The following SIL1 variants were observed in gnomAD, a reference collection of about 807,000 sequenced individuals.
SIL1 encodes nucleotide exchange factor SIL1.
A neutral mutation model predicts 49.1 loss-of-function variants in SIL1; 40 were observed. That is an observed-to-expected ratio of 0.81 (90% CI 0.63 to 1.06). The LOEUF is 1.06. SIL1 is among the 50% of genes least tolerant of loss of function. SIL1 has a pLI of 0.00. For synonymous variants in SIL1, 253 were observed against 250.8 expected, an observed-to-expected ratio of 1.01 and a Z score of -0.08; for missense variants, 500 against 572.6, an observed-to-expected ratio of 0.87 and a Z score of 1.29.
chr5:139,136,617 T>C (rs562023424), intron 1 of SIL1, among the ~76,000 whole-genome samples: 2 of 152,216 alleles, frequency 1.3e-5, no homozygotes, highest in East Asian at 3.9e-4. Context: ...GGCAACAATG[T>C]CAGGAGATCA....
chr5:139,084,215 AGTCAGT>A (rs1331425981), intron 3 of SIL1, among the ~76,000 whole-genome samples: 14 of 151,550 alleles, frequency 9.2e-5, no homozygotes, highest in African/African-American at 9.7e-5. Flanking sequence ...CCATTGTGGA[AGTCAGT>A]GTGGCGATTC....
intron 5 of SIL1, among the ~76,000 whole-genome samples, chr5:139,028,901 T>C (rs1195902314): frequency 6.6e-6 from 1 of 152,254 alleles, no homozygotes; most frequent in Non-Finnish European, 1.5e-5. Context: ...TTTACAGTTA[T>C]ACTTTATCCT....
At chr5:139,184,208 T>C (rs1385974686) in intron 1 of SIL1, among the ~76,000 whole-genome samples, 1 of 152,084 alleles carries the variant, frequency 6.6e-6, no homozygotes, top group African/African-American at 2.4e-5. Context: ...GTCCTGGAAA[T>C]GGTAAAGAAT....
intron 1 of SIL1, among the ~76,000 whole-genome samples, chr5:139,159,522 A>AT (rs1189553579): frequency 6.6e-6 from 1 of 152,212 alleles, no homozygotes; most frequent in African/African-American, 2.4e-5. Flanking sequence ...TGAGTACCAG[A>AT]TTTTTTAAGA....
chr5:139,176,761 A>G (rs1483789672), intron 1 of SIL1, among the ~76,000 whole-genome samples: 1 of 152,034 alleles, frequency 6.6e-6, no homozygotes, highest in Non-Finnish European at 1.5e-5. Flanking sequence ...CACCTCCCAG[A>G]GGAACCACCT....
chr5:139,121,249 G>C, intron 2 of SIL1, 76 bp from the exon 3 acceptor site: 2 of 1,598,590 alleles, frequency 1.3e-6, no homozygotes, highest in Non-Finnish European at 1.7e-6. Flanking sequence ...GCCTAGGGTG[G>C]CACGTTCTTT....
chr5:139,105,411 C>G (rs1231918370), intron 3 of SIL1, among the ~76,000 whole-genome samples: 1 of 152,060 alleles, frequency 6.6e-6, no homozygotes, highest in East Asian at 1.9e-4. Flanking sequence ...CTGGAAGAAG[C>G]AAATCCTCCC....
chr5:139,052,717 C>T (rs1769318173), intron 3 of SIL1, among the ~76,000 whole-genome samples: 1 of 152,054 alleles, frequency 6.6e-6, no homozygotes, highest in Non-Finnish European at 1.5e-5. Flanking sequence ...TGGAAAAATC[C>T]TTCTCTGGGG....
intron 7 of SIL1, among the ~76,000 whole-genome samples, chr5:138,953,102 G>A (rs993215737): frequency 6.6e-6 from 1 of 152,204 alleles, no homozygotes; most frequent in Admixed American, 6.5e-5. Context: ...GCCCACAAAG[G>A]ACACCGCAGT....
chr5:139,122,890 G>A (rs1750675385), intron 2 of SIL1, among the ~76,000 whole-genome samples: 1 of 152,200 alleles, frequency 6.6e-6, no homozygotes, highest in South Asian at 2.1e-4. Context: ...ACTGACTCCA[G>A]CATAGTGCTT....
chr5:139,126,676 G>A (rs927897972), intron 2 of SIL1, among the ~76,000 whole-genome samples: 3 of 152,214 alleles, frequency 2.0e-5, no homozygotes, highest in Non-Finnish European at 4.4e-5. Context: ...AAAAGGACTC[G>A]TGACTCCTAA....
intron 7 of SIL1, among the ~76,000 whole-genome samples, chr5:138,952,533 C>A (rs187630614): frequency 6.6e-6 from 1 of 152,350 alleles, no homozygotes; most frequent in East Asian, 1.9e-4. Context: ...GCTTCTCTGC[C>A]CTGTATTCTC....
intron 6 of SIL1, 127 bp downstream of exon 6, chr5:139,026,674 G>T: frequency 1.1e-6 from 1 of 880,252 alleles, no homozygotes; most frequent in Non-Finnish European, 1.8e-6. Context: ...AACAAGACTA[G>T]ATTAAAAATA....
intron 3 of SIL1, among the ~76,000 whole-genome samples, chr5:139,070,995 C>T (rs898745122): frequency 1.3e-5 from 2 of 152,070 alleles, no homozygotes; most frequent in Non-Finnish European, 2.9e-5. Context: ...ACATTAAGCA[C>T]TTCCTAATGA....
intron 1 of SIL1, among the ~76,000 whole-genome samples, chr5:139,177,096 C>A (rs1367852079): frequency 6.6e-6 from 1 of 151,928 alleles, no homozygotes; most frequent in African/African-American, 2.4e-5. Context: ...CCACAGCCGG[C>A]TAATTTTTTG....
intron 3 of SIL1, among the ~76,000 whole-genome samples, chr5:139,110,409 T>C (rs1770816420): frequency 1.3e-5 from 2 of 152,162 alleles, no homozygotes; most frequent in Admixed American, 6.5e-5. Flanking sequence ...TGAAGACTTT[T>C]AATCCAAAGA....
At chr5:139,189,835 C>T (rs1003390940) in intron 1 of SIL1, among the ~76,000 whole-genome samples, 1 of 152,096 alleles carries the variant, frequency 6.6e-6, no homozygotes, top group Admixed American at 6.6e-5. Flanking sequence ...ATAATAATAA[C>T]AGAAATAAAG....
At chr5:139,097,122 G>T (rs1227283905) in intron 3 of SIL1, among the ~76,000 whole-genome samples, 4 of 152,114 alleles carry the variant, frequency 2.6e-5, no homozygotes, top group Admixed American at 6.5e-5. Context: ...GGGGAGGGAA[G>T]ACTGTGTCTT....
intron 7 of SIL1, among the ~76,000 whole-genome samples, chr5:138,992,777 C>G (rs527989688): frequency 6.6e-6 from 1 of 152,172 alleles, no homozygotes; most frequent in South Asian, 2.1e-4. Context: ...GTACACTGTT[C>G]TGGTGACAGG....
Sources: gnomAD v4.1 joint callset for allele counts (sites outside exome capture counted in the v4.1 genomes callset) on GRCh38, gnomAD v4.1.1 for gene constraint, MANE v1.5 for transcripts, NCBI Gene and HGNC (gene_info 2026-07-23, HGNC 2026-07-21) for gene names.